GAS2: variants seen among roughly 807,000 people sequenced by gnomAD.
GAS2 encodes growth arrest-specific protein 2.
A neutral mutation model predicts 37.5 loss-of-function variants in GAS2; 20 were observed. The ratio of observed to expected loss-of-function variants is 0.53; its 90% CI spans 0.37 to 0.77. GAS2 has a LOEUF of 0.77. GAS2 is among the 30% of genes least tolerant of loss of function. The pLI, the probability that GAS2 is intolerant of heterozygous loss-of-function variation, is 0.00. For synonymous variants in GAS2, 144 were observed against 132.2 expected, an observed-to-expected ratio of 1.09 and a Z score of -0.61; for missense variants, 336 against 373.4, an observed-to-expected ratio of 0.90 and a Z score of 0.82.
At chr11:22,705,875 A>G (rs1851091115) in intron 3 of GAS2, among the ~76,000 whole-genome samples, 1 of 152,200 alleles carries the variant, frequency 6.6e-6, no homozygotes, top group South Asian at 2.1e-4. Flanking sequence ...TAAATTAGTC[A>G]TGTACAAAGG....
At chr11:22,667,533 C>A (rs1849032629) in intron 1 of GAS2, among the ~76,000 whole-genome samples, 1 of 152,054 alleles carries the variant, frequency 6.6e-6, no homozygotes, top group Admixed American at 6.6e-5. Context: ...GGAGATTTTG[C>A]GTGGTATCGT....
chr11:22,671,812 T>C (rs1365801008), intron 1 of GAS2, among the ~76,000 whole-genome samples: 2 of 152,136 alleles, frequency 1.3e-5, no homozygotes, highest in Non-Finnish European at 2.9e-5. Context: ...TCATTTTAGT[T>C]GGAAACTACT....
intron 3 of GAS2, among the ~76,000 whole-genome samples, chr11:22,695,725 G>A (rs1289790272): frequency 1.3e-5 from 2 of 152,036 alleles, no homozygotes; most frequent in Non-Finnish European, 2.9e-5. Flanking sequence ...AAGAAAGTTG[G>A]TAGATTTCTC....
rs532317953 is a variant in GAS2, at chr11:22,783,828, G to A, written c.723+27875G>A. ...ACCTTGGGTGTTTTTTTGTATATGT[G>A]TAAGGAAGGAGTCCAGTTTCGTTCT... On this transcript the variant is annotated intron_variant, in intron 7 of 7. Transcript: ENST00000454584. Among the ~76,000 whole-genome samples the A allele has an allele frequency of 1.3e-4, 20 of 152,192 alleles. No homozygotes were observed. The South Asian group carries it at 3.9e-3, about 30-fold the overall frequency.
chr11:22,692,352 G>A (rs918608506), intron 3 of GAS2, among the ~76,000 whole-genome samples: 5 of 152,160 alleles, frequency 3.3e-5, no homozygotes, highest in Admixed American at 6.6e-5. Context: ...GACTGAGGAC[G>A]TGCGCCCATG....
chr11:22,648,352 T>C (rs908536071), intron 1 of GAS2, among the ~76,000 whole-genome samples: 5 of 152,246 alleles, frequency 3.3e-5, no homozygotes, highest in Admixed American at 1.3e-4. Flanking sequence ...TGAAGTCAGG[T>C]AGTGTGATGC....
chr11:22,670,089 G>T (rs1371680154), intron 1 of GAS2, among the ~76,000 whole-genome samples: 2 of 152,150 alleles, frequency 1.3e-5, no homozygotes, highest in Non-Finnish European at 2.9e-5. Flanking sequence ...TTTTGGAAGG[G>T]TATTCGATTT....
chr11:22,644,968 C>T (rs1237214550), intron 1 of GAS2, among the ~76,000 whole-genome samples: 1 of 152,148 alleles, frequency 6.6e-6, no homozygotes, highest in African/African-American at 2.4e-5. Flanking sequence ...TTCACCTTCC[C>T]TCTTGTTGAC....
intron 7 of GAS2, among the ~76,000 whole-genome samples, chr11:22,763,821 G>A (rs1313038910): frequency 2.0e-5 from 3 of 152,146 alleles, no homozygotes. Flanking sequence ...AGAAATATGA[G>A]TGCTATCAAT....
chr11:22,701,065 T>C (rs2134023792), intron 3 of GAS2, among the ~76,000 whole-genome samples: 1 of 152,300 alleles, frequency 6.6e-6, no homozygotes, highest in East Asian at 1.9e-4. Flanking sequence ...AAAGCACTAT[T>C]TAACAACCAA....
intron 7 of GAS2, among the ~76,000 whole-genome samples, chr11:22,762,951 G>T (rs780293881): frequency 6.6e-6 from 1 of 152,054 alleles, no homozygotes; most frequent in Non-Finnish European, 1.5e-5. Context: ...CTGGTATTAC[G>T]TCAAGACATT....
At chr11:22,652,743 G>A (rs12285575) in intron 1 of GAS2, among the ~76,000 whole-genome samples, 6,397 of 152,210 alleles carry the variant, frequency 0.042, 437 homozygotes, top group African/African-American at 0.15. Flanking sequence ...GACCCCTTGC[G>A]CTTCCCCAGT....
chr11:22,776,565 G>C (rs1855270433), intron 7 of GAS2, among the ~76,000 whole-genome samples: 1 of 152,124 alleles, frequency 6.6e-6, no homozygotes, highest in South Asian at 2.1e-4. Flanking sequence ...TAAAGAGCAA[G>C]TTGTCAATAT....
intron 7 of GAS2, among the ~76,000 whole-genome samples, chr11:22,789,435 T>TATATATATATATAA (rs1856015175): frequency 3.2e-5 from 3 of 94,566 alleles, no homozygotes; most frequent in African/African-American, 1.1e-4. Context: ...GATATATATA[T>TATATATATATATAA]ATATATATAT....
intron 3 of GAS2, among the ~76,000 whole-genome samples, chr11:22,718,421 CCAAA>C (rs1038569616): frequency 6.6e-6 from 1 of 151,698 alleles, no homozygotes; most frequent in Non-Finnish European, 1.5e-5. Flanking sequence ...GAATGGACAA[CCAAA>C]CATTGTGTGT....
At chr11:22,777,601 C>G (rs1475130083) in intron 7 of GAS2, among the ~76,000 whole-genome samples, 1 of 152,110 alleles carries the variant, frequency 6.6e-6, no homozygotes. Flanking sequence ...AATTTGAGAG[C>G]ACCATTTTAA....
chr11:22,680,208 A>G (rs1016958659), intron 2 of GAS2, among the ~76,000 whole-genome samples: 4 of 152,078 alleles, frequency 2.6e-5, no homozygotes, highest in African/African-American at 7.2e-5. Flanking sequence ...GACAGATGGT[A>G]TCTTCCGTTA....
At chr11:22,698,671 A>G (rs1232107638) in intron 3 of GAS2, among the ~76,000 whole-genome samples, 2 of 151,564 alleles carry the variant, frequency 1.3e-5, no homozygotes, top group East Asian at 2.0e-4. Context: ...CTTATCCACC[A>G]TGATCAAGTG....
At chr11:22,629,261 G>A (rs1858712482) in intron 1 of GAS2, among the ~76,000 whole-genome samples, 1 of 152,180 alleles carries the variant, frequency 6.6e-6, no homozygotes, top group African/African-American at 2.4e-5. Flanking sequence ...TTTCCATAGA[G>A]GTTATACTGG....
Sources: allele counts gnomAD v4.1 joint callset (sites outside exome capture counted in the v4.1 genomes callset), GRCh38; gene constraint gnomAD v4.1.1; transcripts MANE v1.5; gene names NCBI Gene and HGNC (gene_info 2026-07-23, HGNC 2026-07-21).